The following STRADA variants were observed in gnomAD, a reference collection of about 807,000 sequenced individuals.
The protein encoded by STRADA is STE20-related kinase adapter protein alpha.
A neutral mutation model predicts 55.0 loss-of-function variants in STRADA; 26 were observed. The observed-to-expected ratio is 0.47, with a 90% CI of 0.35 to 0.66. STRADA has a LOEUF of 0.66. STRADA is among the 30% of genes least tolerant of loss of function. STRADA has a pLI of 0.01. For synonymous variants in STRADA, 197 were observed against 210.9 expected (o/e 0.93, Z 0.57); for missense variants, 443 against 549.7 (o/e 0.81, Z 1.94).
intron 12 of STRADA, 105 bp downstream of exon 12, chr17:63,703,900 C>T (rs1024595491): frequency 2.1e-5 from 33 of 1,606,596 alleles, no homozygotes; most frequent in Middle Eastern, 1.6e-4. Flanking sequence ...GCTTCGGAAG[C>T]GGGGTAGTTT....
In STRADA at chr17:63,706,678, A is replaced by T; in HGVS notation, c.815T>A (p.Leu272Gln). The change falls in exon 10 of 13, where the codon CTG (leucine) becomes CAG (glutamine). Residue 272 changes from leucine (L) to glutamine (Q), a missense_variant. Physicochemically the swap from Leu to Gln is moderately radical, Grantham distance 113. Transcript: ENST00000336174. ...CTTAAAGGGGACATGGCCGTTGGCC[A>T]GTTCACAGGCTGTGATTCCCACACT... The part of the protein sequence containing the change: ...IYSVGITACE[L>Q]ANGHVPFKDM... 1 of 1,614,108 alleles carries T rather than the reference A, an allele frequency of 6.2e-7. No homozygotes were observed. Among genetic ancestry groups the T allele is most frequent in the Non-Finnish European group, 8.5e-7 (1 of 1,179,938 alleles).
intron 12 of STRADA, 44 bp downstream of exon 12, chr17:63,703,961 G>A: frequency 6.2e-7 from 1 of 1,601,194 alleles, no homozygotes; most frequent in Non-Finnish European, 8.5e-7. Context: ...TGAGTTGTTA[G>A]AACCAGAACT....
chr17:63,712,225 G>A (rs1477311983), intron 6 of STRADA, among the ~76,000 whole-genome samples: 1 of 152,102 alleles, frequency 6.6e-6, no homozygotes, highest in African/African-American at 2.4e-5. Flanking sequence ...TCTCCGTTTT[G>A]TTTTGTTTTA....
At chr17:63,712,858 G>A (rs369239389) in intron 6 of STRADA, among the ~76,000 whole-genome samples, 17 of 151,350 alleles carry the variant, frequency 1.1e-4, no homozygotes, top group African/African-American at 3.9e-4. Flanking sequence ...AAAGTTAGCC[G>A]GGCATGGTGG....
intron 8 of STRADA, 39 bp downstream of exon 8, chr17:63,710,452 A>G (rs760390098): frequency 3.1e-5 from 50 of 1,611,738 alleles, no homozygotes; most frequent in African/African-American, 5.3e-5. Flanking sequence ...GGGCATAGCT[A>G]CCCACTGTAA....
intron 4 of STRADA, chr17:63,715,217 C>G (rs1205997420): frequency 6.6e-6 from 1 of 152,168 alleles, no homozygotes; most frequent in Admixed American, 6.6e-5. Flanking sequence ...GTAAGATGAC[C>G]AGAGTATACT....
chr17:63,730,448 T>C (rs887005859), intron 1 of STRADA, among the ~76,000 whole-genome samples: 1 of 150,814 alleles, frequency 6.6e-6, no homozygotes, highest in African/African-American at 2.4e-5. Flanking sequence ...CAGTCTGGAG[T>C]GCAGTGATGT....
intron 3 of STRADA, chr17:63,723,573 G>A (rs1782983467): frequency 9.8e-6 from 5 of 508,384 alleles, no homozygotes; most frequent in Non-Finnish European, 7.1e-6. Context: ...ACTACTCTAT[G>A]GGTATTCTTT....
chr17:63,738,871 G>A (rs2038649196), intron 1 of STRADA, among the ~76,000 whole-genome samples: 2 of 150,110 alleles, frequency 1.3e-5, no homozygotes, highest in Non-Finnish European at 1.5e-5. Context: ...TGGGGAACAG[G>A]CCGGGTGCGG....
At chr17:63,717,754 G>C (rs2036997357) in intron 4 of STRADA, among the ~76,000 whole-genome samples, 1 of 152,058 alleles carries the variant, frequency 6.6e-6, no homozygotes, top group South Asian at 2.1e-4. Context: ...TGGGATTACA[G>C]GTGTGAGCCA....
At chr17:63,724,181 C>A (rs1458270361) in intron 3 of STRADA, among the ~76,000 whole-genome samples, 9 of 151,742 alleles carry the variant, frequency 5.9e-5, no homozygotes, top group African/African-American at 1.9e-4. Context: ...CTTGCTTTAT[C>A]CCCTAGGCTG....
At chr17:63,734,501 G>A (rs988559120) in intron 1 of STRADA, among the ~76,000 whole-genome samples, 3 of 151,966 alleles carry the variant, frequency 2.0e-5, no homozygotes, top group East Asian at 3.9e-4. Flanking sequence ...AAAATTAGCC[G>A]GGCATGGTGG....
At chr17:63,726,591 T>C (rs757195294) in intron 3 of STRADA, 47 bp downstream of exon 3, 2 of 1,579,632 alleles carry the variant, frequency 1.3e-6, no homozygotes, top group Non-Finnish European at 1.7e-6. Flanking sequence ...AAAAAAGTAG[T>C]GATTTTTATA....
chr17:63,730,072 A>G (rs2037926828), intron 1 of STRADA, among the ~76,000 whole-genome samples: 1 of 151,928 alleles, frequency 6.6e-6, no homozygotes, highest in East Asian at 2.0e-4. Context: ...CTGACTTCAG[A>G]TGATCCACCC....
chr17:63,708,211 T>C (rs1319627943), intron 8 of STRADA, among the ~76,000 whole-genome samples: 1 of 151,440 alleles, frequency 6.6e-6, no homozygotes, highest in African/African-American at 2.4e-5. Context: ...TTGTTGTTGT[T>C]GTTGTTGAGA....
chr17:63,728,114 C>T, intron 2 of STRADA: 1 of 494,998 alleles, frequency 2.0e-6, no homozygotes, highest in Non-Finnish European at 3.6e-6. Flanking sequence ...CTTATTTCTT[C>T]TCTATCAGAC....
At position 63,707,249 on chromosome 17, in the gene STRADA, G is replaced by A. The variant is rs1268277078; in HGVS notation, c.751C>T (p.Gln251Ter). The stretch of plus-strand genomic sequence containing the variant: ...CTCCTCTGGGCCCACACACAGACCT[G>A]CTGGAGGACCTCGGGGCTGAGCCAC... ...LPWLSPEVLQ[Q>*]NLQGYDAKSD... Residue 251 changes from glutamine to a stop codon, truncating the protein, a stop_gained and splice_region_variant, in exon 9 of 13, where the codon CAG becomes TAG. Transcript: ENST00000336174. LOFTEE classifies it high-confidence loss of function. 4 of 1,614,136 alleles carry A rather than the reference G, an allele frequency of 2.5e-6. No individual in the cohort carries two copies. The highest frequency in any genetic ancestry group is 2.2e-5 in the East Asian group (1 of 44,888).
At chr17:63,707,457 C>T in intron 8 of STRADA, 39 bp from the exon 9 acceptor site, 1 of 1,601,408 alleles carries the variant, frequency 6.2e-7, no homozygotes, top group Non-Finnish European at 8.5e-7. Context: ...AGAGCAGGAG[C>T]CCCTCCTGCT....
chr17:63,713,794 G>A (rs1357646315), intron 5 of STRADA, among the ~76,000 whole-genome samples: 1 of 152,084 alleles, frequency 6.6e-6, no homozygotes, highest in African/African-American at 2.4e-5. Context: ...AGCCACAAAG[G>A]AAAGATGGCA....
Sources: gnomAD v4.1 joint callset for allele counts (sites outside exome capture counted in the v4.1 genomes callset) on GRCh38, gnomAD v4.1.1 for gene constraint, MANE v1.5 for transcripts, NCBI Gene and HGNC (gene_info 2026-07-23, HGNC 2026-07-21) for gene names.